SH3RF3: variants seen among roughly 807,000 people sequenced by gnomAD.
The protein encoded by SH3RF3 is E3 ubiquitin-protein ligase SH3RF3.
SH3RF3 carries 29 observed loss-of-function variants against 66.3 expected under a neutral mutation model. That is an observed-to-expected ratio of 0.44 (90% confidence interval 0.33 to 0.60). The LOEUF (loss-of-function observed/expected upper bound fraction) is 0.60. SH3RF3 is among the 20% of genes least tolerant of loss of function. SH3RF3 has a pLI of 0.04. For synonymous variants in SH3RF3, 583 were observed against 532.0 expected (o/e 1.10, Z -1.32); for missense variants, 1,194 against 1,190.9 (o/e 1.00, Z -0.04).
chr2:109,208,432 G>A (rs1678892295), intron 1 of SH3RF3, among the ~76,000 whole-genome samples: 1 of 152,182 alleles, frequency 6.6e-6, no homozygotes, highest in African/African-American at 2.4e-5. Flanking sequence ...CTGTCTAGGA[G>A]CCCAGCCATC....
chr2:109,239,410 A>G (rs545734561), intron 1 of SH3RF3, among the ~76,000 whole-genome samples: 4 of 152,204 alleles, frequency 2.6e-5, no homozygotes, highest in Non-Finnish European at 5.9e-5. Flanking sequence ...AAGAATAAGG[A>G]TACAGTTTTC....
At chr2:109,368,086 T>C (rs1259080962) in intron 2 of SH3RF3, among the ~76,000 whole-genome samples, 4 of 152,248 alleles carry the variant, frequency 2.6e-5, no homozygotes, top group African/African-American at 9.6e-5. Context: ...TAATGGAAAT[T>C]TGTTTTTCTT....
chr2:109,227,353 AGTCCTGGTTCTCAGGTCCTTAGGG>A (rs1444657975), intron 1 of SH3RF3, among the ~76,000 whole-genome samples: 2 of 152,196 alleles, frequency 1.3e-5, no homozygotes, highest in Non-Finnish European at 2.9e-5. Flanking sequence ...GGACTTCTCA[AGTCCTGGTTCTCAGGTCCTTAGGG>A]GTCCTGGTTC....
At chr2:109,170,088 T>A (rs904188717) in intron 1 of SH3RF3, among the ~76,000 whole-genome samples, 1 of 152,236 alleles carries the variant, frequency 6.6e-6, no homozygotes, top group African/African-American at 2.4e-5. Context: ...TGCCAGAAAC[T>A]ATAATCTCTA....
intron 1 of SH3RF3, among the ~76,000 whole-genome samples, chr2:109,295,057 C>T (rs1464396957): frequency 5.3e-5 from 8 of 152,240 alleles, no homozygotes. Flanking sequence ...GCAGGAAATG[C>T]CACTGTTGTC....
intron 1 of SH3RF3, among the ~76,000 whole-genome samples, chr2:109,289,312 G>A (rs1279867144): frequency 6.6e-6 from 1 of 151,984 alleles, no homozygotes; most frequent in Non-Finnish European, 1.5e-5. Context: ...ACTGGAACAG[G>A]ATTTCACATC....
chr2:109,481,722 C>T (rs1484118408), intron 8 of SH3RF3, among the ~76,000 whole-genome samples: 1 of 152,202 alleles, frequency 6.6e-6, no homozygotes, highest in African/African-American at 2.4e-5. Context: ...AGAGAGCACA[C>T]TAAGTGCAGA....
chr2:109,350,620 A>G (rs1365923980), intron 2 of SH3RF3, among the ~76,000 whole-genome samples: 1 of 152,224 alleles, frequency 6.6e-6, no homozygotes, highest in Non-Finnish European at 1.5e-5. Flanking sequence ...TCCAAGAGAC[A>G]TGGGCAACTC....
chr2:109,163,029 C>G (rs4676254), intron 1 of SH3RF3, among the ~76,000 whole-genome samples: 123,197 of 151,726 alleles, frequency 0.81, 50,193 homozygotes, highest in East Asian at 0.89. Flanking sequence ...CCCCCAAAGT[C>G]TGTATAGTGA....
chr2:109,244,208 C>A (rs373395268), intron 1 of SH3RF3, among the ~76,000 whole-genome samples: 2 of 152,092 alleles, frequency 1.3e-5, no homozygotes, highest in African/African-American at 4.8e-5. Context: ...GGATTCTAAT[C>A]CGAGCTGGAG....
At chr2:109,352,659 G>A (rs905924040) in intron 2 of SH3RF3, among the ~76,000 whole-genome samples, 3 of 152,174 alleles carry the variant, frequency 2.0e-5, no homozygotes, top group Admixed American at 1.3e-4. Context: ...GAAGTTACCC[G>A]AGAAACTCAG....
At chr2:109,287,225 T>C (rs1681048899) in intron 1 of SH3RF3, among the ~76,000 whole-genome samples, 1 of 152,204 alleles carries the variant, frequency 6.6e-6, no homozygotes, top group African/African-American at 2.4e-5. Context: ...AGGGACTTTT[T>C]TCTGCTCGGG....
chr2:109,501,776 C>G lies in SH3RF3; in HGVS notation c.*105C>G, dbSNP rs1037521598. The G allele has an allele frequency of 5.8e-5, 37 of 638,998 alleles. 1 individual carries two copies. The highest frequency in any genetic ancestry group is 3.3e-4 in the East Asian group (12 of 36,680). The allele number at this position is 638,998 out of a possible 1,614,324, so 39.6% of individuals were successfully genotyped here. A position where few individuals can be genotyped will look rare whatever the true frequency, so the allele number is the denominator to read the frequency against. ...GCGCCCCAAGGGTTCCAGGTCATCTCCAAGGCACCTGGCGGGGGATACCCT... is the reference window on the plus strand; with the variant it reads ...GCGCCCCAAGGGTTCCAGGTCATCTGCAAGGCACCTGGCGGGGGATACCCT... On this transcript the variant is annotated 3_prime_UTR_variant, in exon 10 of 10. Transcript: ENST00000309415.
At chr2:109,188,534 A>G (rs1304653612) in intron 1 of SH3RF3, among the ~76,000 whole-genome samples, 1 of 152,120 alleles carries the variant, frequency 6.6e-6, no homozygotes, top group Non-Finnish European at 1.5e-5. Flanking sequence ...ACGTTCAGAG[A>G]AGCGGCATCC....
At position 109,457,258 on chromosome 2, in the gene SH3RF3, A is replaced by G. The variant is rs2104668327; in HGVS notation, c.2148+7769A>G. Among the ~76,000 whole-genome samples the G allele has an allele frequency of 1.3e-5, 2 of 152,386 alleles. 1 individual carries two copies. The highest frequency in any genetic ancestry group is 4.1e-4 in the South Asian group (2 of 4,830). On this transcript the variant is annotated intron_variant, in intron 8 of 9. Transcript: ENST00000309415. ...ATTGAAGTCTGGATCCTAGAATTAA[A>G]TGATCCATACAGATGTAAAACTTAT...
chr2:109,484,929 G>A (rs1678931179), intron 8 of SH3RF3, among the ~76,000 whole-genome samples: 1 of 152,214 alleles, frequency 6.6e-6, no homozygotes, highest in African/African-American at 2.4e-5. Context: ...ACATCTTTGT[G>A]TGTACCTGGT....
At chr2:109,246,781 C>T (rs756427917) in intron 1 of SH3RF3, among the ~76,000 whole-genome samples, 5 of 152,214 alleles carry the variant, frequency 3.3e-5, no homozygotes, top group Non-Finnish European at 5.9e-5. Context: ...TGGAGAGCCT[C>T]GCTTGCTCTG....
At chr2:109,491,471 C>A (rs570420122) in intron 9 of SH3RF3, among the ~76,000 whole-genome samples, 2 of 152,296 alleles carry the variant, frequency 1.3e-5, no homozygotes, top group African/African-American at 4.8e-5. Context: ...TGAAATTGCC[C>A]ATATTCATTC....
chr2:109,348,628 C>T (rs1172332323), intron 2 of SH3RF3, among the ~76,000 whole-genome samples: 3 of 152,198 alleles, frequency 2.0e-5, no homozygotes, highest in East Asian at 3.8e-4. Context: ...TTGGTCTTTA[C>T]AGCTGTCCCA....
Sources: gnomAD v4.1 joint callset for allele counts (sites outside exome capture counted in the v4.1 genomes callset) on GRCh38, gnomAD v4.1.1 for gene constraint, MANE v1.5 for transcripts, NCBI Gene and HGNC (gene_info 2026-07-23, HGNC 2026-07-21) for gene names.